KIF26B: variants seen among roughly 807,000 people sequenced by gnomAD.
KIF26B encodes kinesin family member 26B.
A neutral mutation model predicts 151.2 loss-of-function variants in KIF26B; 63 were observed. That is an observed-to-expected ratio of 0.42 (90% confidence interval 0.34 to 0.51). The LOEUF is 0.51. KIF26B is among the 20% of genes least tolerant of loss of function. The pLI is 0.07. For missense variants in KIF26B, 2,813 were observed against 2,913.6 expected, an observed-to-expected ratio of 0.97 and a Z score of 0.79; for synonymous variants, 1,357 against 1,262.1, an observed-to-expected ratio of 1.08 and a Z score of -1.59.
At chr1:245,160,802 G>T (rs992627255) in intron 2 of KIF26B, among the ~76,000 whole-genome samples, 1 of 152,178 alleles carries the variant, frequency 6.6e-6, no homozygotes, top group African/African-American at 2.4e-5. Flanking sequence ...AGAAAGGAAT[G>T]CGTCATAGGG....
chr1:245,202,634 C>T (rs1438152036), intron 2 of KIF26B, among the ~76,000 whole-genome samples: 1 of 151,992 alleles, frequency 6.6e-6, no homozygotes, highest in African/African-American at 2.4e-5. Context: ...GTGGCGGGCG[C>T]CTGTAGTCCC....
At chr1:245,636,903 T>C (rs114563411) in intron 9 of KIF26B, among the ~76,000 whole-genome samples, 7,561 of 151,962 alleles carry the variant, frequency 0.05, 354 homozygotes, top group African/African-American at 0.12. Context: ...ACATTTTCTT[T>C]ATTAATTTAC....
chr1:245,342,298 G>A (rs1672350929), intron 2 of KIF26B, among the ~76,000 whole-genome samples: 1 of 152,222 alleles, frequency 6.6e-6, no homozygotes, highest in African/African-American at 2.4e-5. Context: ...AGATGAAGAA[G>A]TGAGCCGCGT....
chr1:245,424,835 A>G (rs1208388141), intron 4 of KIF26B, among the ~76,000 whole-genome samples: 1 of 152,204 alleles, frequency 6.6e-6, no homozygotes, highest in East Asian at 1.9e-4. Context: ...ATGGAGCATG[A>G]AGCACCTGTT....
intron 4 of KIF26B, among the ~76,000 whole-genome samples, chr1:245,527,457 T>C (rs1315485984): frequency 6.6e-6 from 1 of 151,100 alleles, no homozygotes; most frequent in Non-Finnish European, 1.5e-5. Flanking sequence ...TTCACTATCA[T>C]TCATGTTCAT....
At chr1:245,571,727 G>A (rs1000142748) in intron 5 of KIF26B, among the ~76,000 whole-genome samples, 1 of 152,118 alleles carries the variant, frequency 6.6e-6, no homozygotes, top group Non-Finnish European at 1.5e-5. Flanking sequence ...TCAAAGGTTT[G>A]GGTTTGGTCA....
At chr1:245,646,647 A>G (rs1411196967) in intron 10 of KIF26B, among the ~76,000 whole-genome samples, 3 of 152,174 alleles carry the variant, frequency 2.0e-5, no homozygotes, top group Non-Finnish European at 2.9e-5. Flanking sequence ...CCTTAGGGGT[A>G]GGGCCACCAG....
Position 245,341,303 on chromosome 1 carries a change from GTTTTTTTTTTTTTTTT to G in KIF26B, c.466-25511_466-25496del, listed in dbSNP as rs34249209. 1.9e-3 allele frequency among the ~76,000 whole-genome samples: 154 copies of G among 82,600 alleles called. 1 individual carries two copies. The highest frequency in any genetic ancestry group is 4.4e-3 in the African/African-American group (140 of 31,796). 54.2% of individuals were successfully genotyped at this position (82,600 alleles called of 152,430 possible). A position where few individuals can be genotyped will look rare whatever the true frequency, so the allele number is the denominator to read the frequency against. On this transcript the variant is annotated intron_variant, in intron 2 of 14. Coordinates refer to ENST00000407071, the MANE Select transcript of KIF26B (RefSeq NM_018012.4). ...AAAGCCAAGGGCTTAAAAAGATGCA[GTTTTTTTTTTTTTTTT>G]TTTTTTTTTTTTTTTTTTTGAGACA...
intron 4 of KIF26B, among the ~76,000 whole-genome samples, chr1:245,520,568 T>C (rs12731298): frequency 5.6e-5 from 6 of 108,012 alleles, no homozygotes; most frequent in South Asian, 3.5e-4. Flanking sequence ...ATCCACCCAT[T>C]CATCCATCCA....
intron 4 of KIF26B, among the ~76,000 whole-genome samples, chr1:245,502,288 G>A (rs1424403507): frequency 1.3e-5 from 2 of 152,134 alleles, no homozygotes; most frequent in Non-Finnish European, 2.9e-5. Flanking sequence ...CAGCACTTTG[G>A]GAGGCCGAGG....
intron 2 of KIF26B, among the ~76,000 whole-genome samples, chr1:245,161,825 C>T (rs865996925): frequency 2.6e-5 from 4 of 152,238 alleles, no homozygotes; most frequent in Middle Eastern, 3.4e-3. Flanking sequence ...GTAGAACTGA[C>T]TGAGTGAGAG....
chr1:245,575,185 A>T (rs2043106652), intron 5 of KIF26B, among the ~76,000 whole-genome samples: 1 of 151,528 alleles, frequency 6.6e-6, no homozygotes, highest in South Asian at 2.1e-4. Flanking sequence ...TTTTCAAAGA[A>T]AAAGGTAGGC....
chr1:245,596,168 CTCTGA>C (rs1225288030), intron 5 of KIF26B, among the ~76,000 whole-genome samples: 1 of 152,142 alleles, frequency 6.6e-6, no homozygotes, highest in African/African-American at 2.4e-5. Flanking sequence ...TTCAGTTCTG[CTCTGA>C]TCTTAGTTAT....
intron 10 of KIF26B, among the ~76,000 whole-genome samples, chr1:245,647,347 A>C (rs1046472783): frequency 1.4e-5 from 2 of 144,386 alleles, no homozygotes; most frequent in Non-Finnish European, 3.0e-5. Context: ...ATGGCATGAA[A>C]CCAGGAGGCG....
chr1:245,537,199 A>G (rs997021687), intron 4 of KIF26B, among the ~76,000 whole-genome samples: 13 of 152,226 alleles, frequency 8.5e-5, no homozygotes, highest in African/African-American at 2.9e-4. Context: ...GCCCATCTCC[A>G]TCTCGGCAGA....
intron 4 of KIF26B, among the ~76,000 whole-genome samples, chr1:245,527,524 C>CCTTTTTTTTTTTTTTT (rs1661263581): frequency 2.0e-5 from 1 of 50,710 alleles, no homozygotes; most frequent in African/African-American, 9.8e-5. Flanking sequence ...TTTGGGATGG[C>CCTTTTTTTTTTTTTTT]TTTTTTTTTT....
At chr1:245,466,204 T>C (rs1179956224) in intron 4 of KIF26B, among the ~76,000 whole-genome samples, 10 of 152,100 alleles carry the variant, frequency 6.6e-5, no homozygotes, top group Admixed American at 6.5e-4. Flanking sequence ...TGTTTGTTTG[T>C]TTGTTTGTTT....
At chr1:245,195,451 T>G (rs1376141913) in intron 2 of KIF26B, among the ~76,000 whole-genome samples, 1 of 152,208 alleles carries the variant, frequency 6.6e-6, no homozygotes, top group Non-Finnish European at 1.5e-5. Flanking sequence ...AGGTGGATTA[T>G]GGTCTTTGAA....
Position 245,218,935 on chromosome 1 carries a change from T to A in KIF26B, c.465+62252T>A, listed in dbSNP as rs915979216. ...CGGTTCTTGTTGGCATTTCTGACTT[T>A]GCCATTTCAGTTGGCACTGACCCTT... is the stretch of plus-strand genomic sequence containing the variant. On this transcript the variant is annotated intron_variant, in intron 2 of 14. Transcript: ENST00000407071. This position sits in a 1 kb window ranked among gnomAD's most constrained non-coding sequence, Gnocchi z 4.1. 3.3e-5 allele frequency among the ~76,000 whole-genome samples: 5 copies of A among 152,042 alleles called. No homozygotes were observed. The highest frequency in any genetic ancestry group is 1.2e-4 in the African/African-American group (5 of 41,392).
Sources: gnomAD v4.1 joint callset for allele counts (sites outside exome capture counted in the v4.1 genomes callset) on GRCh38, gnomAD v4.1.1 for gene constraint, Gnocchi (gnomAD v3.1) non-coding constraint, MANE v1.5 for transcripts, NCBI Gene and HGNC (gene_info 2026-07-23, HGNC 2026-07-21) for gene names.